Variants in ZNF324B observed in about 807,000 individuals in gnomAD.
ZNF324B encodes zinc finger protein 324B.
ZNF324B carries 7 observed loss-of-function variants against 10.6 expected under a neutral mutation model. That is an observed-to-expected ratio of 0.66 (90% CI 0.38 to 1.24). The LOEUF (loss-of-function observed/expected upper bound fraction) is 1.24. Ranked by LOEUF, ZNF324B falls within the 50% of genes most tolerant of loss-of-function variation. ZNF324B has a pLI of 0.02. For missense variants in ZNF324B, 640 were observed against 764.7 expected (o/e 0.84, Z 1.92); for synonymous variants, 316 against 321.0 (o/e 0.98, Z 0.17).
chr19:58,437,095 G>A, the ZNF324B span: 151 of 1,614,178 alleles, frequency 9.4e-5, 1 homozygote, highest in South Asian at 1.6e-3. Context: ...CTGTGGTACA[G>A]GTGCCTCTGG....
At position 58,456,352 on chromosome 19, in the gene ZNF324B, A is replaced by C; in HGVS notation, c.1408A>C (p.Ser470Arg). The change falls in exon 4 of 4, where the codon AGC becomes CGC. Residue 470 changes from serine (S) to arginine (R), a missense_variant. Ser to Arg is a moderately radical substitution (Grantham distance 110). This residue lies in a region of ZNF324B where 238 missense variants were observed against 258.0 expected (regional missense o/e 0.92). Transcript: ENST00000336614. The surrounding 1 kb of genome is among the most constrained non-coding windows in gnomAD (Gnocchi z 4.7). ...KGFAKGAVLL[S>R]HRRIHTGEKP... is the part of the protein sequence containing the mutation. Reference sequence around the variant, plus strand: ...TTTCGCCAAGGGCGCCGTGCTGCTCAGCCACCGGCGCATTCACACGGGCGA... The same window carrying C: ...TTTCGCCAAGGGCGCCGTGCTGCTCCGCCACCGGCGCATTCACACGGGCGA... 1 of 1,612,516 alleles carries C rather than the reference A, an allele frequency of 6.2e-7. No individual in the cohort carries two copies.
chr19:58,433,194 G>C, the ZNF324B span: 1 of 981,634 alleles, frequency 1.0e-6, no homozygotes, highest in Non-Finnish European at 1.5e-6. Context: ...GTCAGAAACA[G>C]AGTAGCTTCT....
chr19:58,445,377 G>C, the ZNF324B span: 1 of 516,618 alleles, frequency 1.9e-6, no homozygotes, highest in African/African-American at 1.9e-5. Context: ...ATTCACACTG[G>C]AAAAACCCTC....
the ZNF324B span, chr19:58,433,554 A>G: frequency 1.9e-6 from 3 of 1,614,158 alleles, no homozygotes; most frequent in Admixed American, 1.7e-5. Context: ...TCCCACATTC[A>G]CTGCATTCGT....
chr19:58,419,029 C>T, the ZNF324B span: 1 of 152,156 alleles, frequency 6.6e-6, no homozygotes. Flanking sequence ...TGAGTTTTTT[C>T]TGCCTCAGTG....
chr19:58,440,514 A>G, the ZNF324B span: 3 of 152,290 alleles, frequency 2.0e-5, no homozygotes, highest in Non-Finnish European at 4.4e-5. Flanking sequence ...TTCTGAAGGG[A>G]CCGCGTTGTC....
chr19:58,436,124 G>A, the ZNF324B span, among the ~76,000 whole-genome samples: 13,951 of 152,142 alleles, frequency 0.092, 1,972 homozygotes, highest in African/African-American at 0.31. Flanking sequence ...TCTAGGAAAC[G>A]TAAATCTATA....
chr19:58,433,699 T>A, the ZNF324B span: 1 of 1,610,242 alleles, frequency 6.2e-7, no homozygotes, highest in Admixed American at 1.7e-5. Context: ...AATGGAGTTT[T>A]GGCTAAAGAA....
the ZNF324B span, among the ~76,000 whole-genome samples, chr19:58,423,822 C>A: frequency 1.3e-5 from 2 of 152,074 alleles, no homozygotes; most frequent in Non-Finnish European, 2.9e-5. Flanking sequence ...GGAAAGGATA[C>A]CCTCTTCAAT....
At chr19:58,427,101 G>C in the ZNF324B span, among the ~76,000 whole-genome samples, 1 of 151,950 alleles carries the variant, frequency 6.6e-6, no homozygotes, top group East Asian at 1.9e-4. Flanking sequence ...CATGTATTAG[G>C]AATCTTTTTT....
the ZNF324B span, chr19:58,445,170 A>C: frequency 3.4e-6 from 1 of 290,130 alleles, no homozygotes; most frequent in Non-Finnish European, 6.6e-6. Context: ...CAAATGCAAT[A>C]ACTACATGAA....
the ZNF324B span, chr19:58,432,750 G>T: frequency 2.4e-5 from 4 of 164,012 alleles, no homozygotes; most frequent in East Asian, 7.1e-4. Context: ...GCCCCCAAAA[G>T]GCACTCCCCA....
chr19:58,436,529 G>A, the ZNF324B span, among the ~76,000 whole-genome samples: 4 of 151,906 alleles, frequency 2.6e-5, no homozygotes, highest in African/African-American at 9.7e-5. Flanking sequence ...TTAGCTGGGT[G>A]TGGTGGCAGG....
chr19:58,427,406 C>CT, the ZNF324B span, among the ~76,000 whole-genome samples: 1 of 23,762 alleles, frequency 4.2e-5, no homozygotes, highest in African/African-American at 1.8e-4. Flanking sequence ...TTCTTTCTTT[C>CT]CTTCCTTCCT....
the ZNF324B span, chr19:58,429,297 G>A: frequency 3.3e-5 from 5 of 152,222 alleles, no homozygotes; most frequent in African/African-American, 1.2e-4. Flanking sequence ...AGATCCAGGA[G>A]TGAGTGATTG....
chr19:58,437,866 C>T, the ZNF324B span: 1 of 884,954 alleles, frequency 1.1e-6, no homozygotes, highest in South Asian at 5.2e-5. Flanking sequence ...CTGCCCAGAA[C>T]CATAAGCAGA....
the ZNF324B span, among the ~76,000 whole-genome samples, chr19:58,432,647 T>C: frequency 1.3e-5 from 2 of 152,186 alleles, no homozygotes; most frequent in African/African-American, 2.4e-5. Context: ...AGCCTTTCAG[T>C]CTTTCCCAGT....
the ZNF324B span, chr19:58,442,161 C>CTTTTTTTTTTTTTTTTTTTTT: frequency 2.1e-5 from 2 of 95,048 alleles, 1 homozygote; most frequent in African/African-American, 1.3e-4. Context: ...TGTTACAGTT[C>CTTTTTTTTTTTTTTTTTTTTT]TTTTTTTTTT....
the ZNF324B span, among the ~76,000 whole-genome samples, chr19:58,432,662 C>A: frequency 9.9e-5 from 15 of 152,212 alleles, no homozygotes; most frequent in Admixed American, 9.2e-4. Flanking sequence ...CCCAGTCTTT[C>A]ACACAGCAAT....
Sources: allele counts gnomAD v4.1 joint callset (sites outside exome capture counted in the v4.1 genomes callset), GRCh38; gene constraint gnomAD v4.1.1; regional missense constraint gnomAD v4.1.1; non-coding constraint Gnocchi (gnomAD v3.1); transcripts MANE v1.5; gene names NCBI Gene and HGNC (gene_info 2026-07-23, HGNC 2026-07-21).